CRACD: variants seen among roughly 807,000 people sequenced by gnomAD.
The protein encoded by CRACD is capping protein-inhibiting regulator of actin dynamics.
Under a neutral mutation model 106.8 loss-of-function variants are expected in CRACD, and 56 were observed. The observed-to-expected ratio is 0.52, with a 90% CI of 0.42 to 0.66. The LOEUF is 0.66. CRACD is among the 30% of genes least tolerant of loss of function. The pLI, the probability that CRACD is intolerant of heterozygous loss-of-function variation, is 0.00. For synonymous variants in CRACD, 754 were observed against 670.8 expected (o/e 1.12, Z -1.92); for missense variants, 1,730 against 1,623.2 (o/e 1.07, Z -1.13).
chr4:56,324,191 C>G lies in CRACD; in HGVS notation c.3466C>G (p.Pro1156Ala). The change falls in exon 10 of 11, where the codon CCC (proline) becomes GCC (alanine). Residue 1156 changes from proline to alanine, a missense_variant. This residue lies in a region of CRACD where 89 missense variants were observed against 89.6 expected (regional missense o/e 0.99). Coordinates refer to ENST00000682029, the MANE Select transcript of CRACD (RefSeq NM_001393381.1). ...CACTGCTCTGCCAGAAGAGAAGAGG[C>G]CCGAGACTGCAGTGTCCAGGCTTGA... is the stretch of plus-strand genomic sequence containing the variant. ...KSTALPEEKR[P>A]ETAVSRLERR... The G allele has an allele frequency of 6.2e-7, 1 of 1,614,154 alleles. No homozygotes were observed. The highest frequency in any genetic ancestry group is 8.5e-7 in the Non-Finnish European group (1 of 1,179,982).
chr4:56,182,643 A>C (rs1285840183), intron 2 of CRACD, among the ~76,000 whole-genome samples: 1 of 152,102 alleles, frequency 6.6e-6, no homozygotes, highest in African/African-American at 2.4e-5. Flanking sequence ...GTCCCTGTCC[A>C]AATTGCTTAA....
At chr4:56,092,856 T>G (rs537571120) in intron 1 of CRACD, among the ~76,000 whole-genome samples, 1 of 152,296 alleles carries the variant, frequency 6.6e-6, no homozygotes, top group African/African-American at 2.4e-5. Context: ...TCCTCCTGCC[T>G]TACAGCAGGA....
In CRACD at chr4:56,314,816, C is replaced by G. The variant is rs746837841; in HGVS notation, c.1314C>G (p.Pro438=). 86 of 1,609,116 alleles carry G rather than the reference C, an allele frequency of 5.3e-5. No homozygotes were observed. The Middle Eastern group carries it at 8.3e-4, about 16-fold the overall frequency. The part of the protein sequence containing the change: ...ERLEDQERLK[P]EGQREHSEEP... ...TCGAAGACCAGGAACGCCTGAAACC[C>G]GAAGGACAAAGAGAACACTCCGAGG... The change falls in exon 8 of 11, where the codon CCC becomes CCG. Residue 438 remains proline, a synonymous_variant. Coordinates refer to ENST00000682029, the MANE Select transcript of CRACD (RefSeq NM_001393381.1). The surrounding 1 kb of genome is among the most constrained non-coding windows in gnomAD (Gnocchi z 4.4).
chr4:56,310,799 T>A lies in CRACD; in HGVS notation c.354+65T>A, dbSNP rs5858374. 3.6e-3 allele frequency: 2,024 copies of A among 561,316 alleles called. 11 individuals are homozygous for A. The highest frequency in any genetic ancestry group is 4.8e-3 in the Non-Finnish European group (1,693 of 353,248). 34.8% of individuals were successfully genotyped at this position (561,316 alleles called of 1,614,324 possible). A position where few individuals can be genotyped will look rare whatever the true frequency, so the allele number is the denominator to read the frequency against. ...ACTTAACTTTCATCTTCCCCCCCCCTTTTTTTTTTTTGCGACCTGCTGCCT... is the reference window on the plus strand; with the variant it reads ...ACTTAACTTTCATCTTCCCCCCCCCATTTTTTTTTTTGCGACCTGCTGCCT... On this transcript the variant is annotated intron_variant, in intron 6 of 10. Coordinates refer to ENST00000682029, the MANE Select transcript of CRACD (RefSeq NM_001393381.1).
chr4:56,199,927 G>A (rs1275462815), intron 2 of CRACD, among the ~76,000 whole-genome samples: 2 of 151,648 alleles, frequency 1.3e-5, no homozygotes, highest in African/African-American at 2.4e-5. Flanking sequence ...TAGACTAGAC[G>A]ATAACATAGA....
intron 1 of CRACD, among the ~76,000 whole-genome samples, chr4:56,174,179 ATAGT>A: frequency 6.6e-6 from 1 of 152,314 alleles, no homozygotes; most frequent in East Asian, 1.9e-4. Flanking sequence ...TGGATACATA[ATAGT>A]TGTACATATT....
At chr4:56,307,976 C>T (rs1160520873) in intron 5 of CRACD, among the ~76,000 whole-genome samples, 1 of 152,188 alleles carries the variant, frequency 6.6e-6, no homozygotes, top group Non-Finnish European at 1.5e-5. Flanking sequence ...CCGTACCTGG[C>T]CTCACCCCAA....
Position 56,329,068 on chromosome 4 carries a change from T to A in CRACD, c.*1264T>A, listed in dbSNP as rs1746643458. On this transcript the variant is annotated 3_prime_UTR_variant, in exon 11 of 11. Coordinates refer to ENST00000682029, the MANE Select transcript of CRACD (RefSeq NM_001393381.1). The stretch of plus-strand genomic sequence containing the variant: ...TTCACCTTGCTACCTTTAAAAAACA[T>A]CTGAGTTTTAAGTGGCCTTTTTATC... Among the ~76,000 whole-genome samples, 1 of 152,236 alleles carries A rather than the reference T, an allele frequency of 6.6e-6. No individual in the cohort carries two copies. Among genetic ancestry groups the A allele is most frequent in the Admixed American group, 6.5e-5 (1 of 15,282 alleles).
intron 1 of CRACD, among the ~76,000 whole-genome samples, chr4:56,117,925 A>G (rs1734347036): frequency 1.3e-5 from 2 of 151,612 alleles, no homozygotes; most frequent in South Asian, 4.2e-4. Flanking sequence ...TGCCCAGCTA[A>G]TGTTTGTATT....
chr4:56,062,363 A>G (rs1325833318), intron 1 of CRACD, among the ~76,000 whole-genome samples: 1 of 152,124 alleles, frequency 6.6e-6, no homozygotes, highest in Non-Finnish European at 1.5e-5. Context: ...GAGGTCTTAG[A>G]GTTTGGTTTA....
At chr4:56,216,290 G>C (rs1226098031) in intron 2 of CRACD, 1 of 152,206 alleles carries the variant, frequency 6.6e-6, no homozygotes, top group Non-Finnish European at 1.5e-5. Flanking sequence ...AATGTGGAGT[G>C]GGTTTTTTGT....
intron 1 of CRACD, among the ~76,000 whole-genome samples, chr4:56,095,792 A>G (rs1381035014): frequency 6.6e-6 from 1 of 152,176 alleles, no homozygotes; most frequent in Non-Finnish European, 1.5e-5. Flanking sequence ...GTCTGTTGAG[A>G]GTGACAATGT....
At position 56,104,956 on chromosome 4, in the gene CRACD, G is replaced by T. The variant is rs1303189156; in HGVS notation, c.-336+55657G>T. 2.3e-5 allele frequency among the ~76,000 whole-genome samples: 3 copies of T among 132,828 alleles called. No homozygotes were observed. In the South Asian group the frequency reaches 7.1e-4, roughly 32 times the overall value. 87.1% of individuals were successfully genotyped at this position (132,828 alleles called of 152,430 possible). A position where few individuals can be genotyped will look rare whatever the true frequency, so the allele number is the denominator to read the frequency against. On this transcript the variant is annotated intron_variant, in intron 1 of 10. Transcript: ENST00000682029. ...TACTCCAGCCTGGGCGACAGAGCAA[G>T]ACTCCGTCTCAAAAAAAAAAAAAAA...
intron 1 of CRACD, among the ~76,000 whole-genome samples, chr4:56,109,366 AAC>A (rs1435906274): frequency 6.6e-5 from 10 of 152,088 alleles, no homozygotes; most frequent in African/African-American, 2.4e-4. Flanking sequence ...ATTATACTGA[AAC>A]AGTTTGTGCC....
rs373956608 is a variant in CRACD at position 56,077,562 on chromosome 4, G to A, written c.-336+28263G>A. Reference sequence around the variant, plus strand: ...TCCTAGTAACCTTTTATGGGAGACCGTTATGCAAACAAATTTCTTCCTTCT... The same window carrying A: ...TCCTAGTAACCTTTTATGGGAGACCATTATGCAAACAAATTTCTTCCTTCT... On this transcript the variant is annotated intron_variant, in intron 1 of 10. Transcript: ENST00000682029. Among the ~76,000 whole-genome samples the A allele has an allele frequency of 1.2e-3, 179 of 152,306 alleles. 3 individuals are homozygous for A. The South Asian group carries it at 0.033, about 28-fold the overall frequency.
chr4:56,133,650 C>T (rs907052843), intron 1 of CRACD, among the ~76,000 whole-genome samples: 1 of 152,052 alleles, frequency 6.6e-6, no homozygotes, highest in Non-Finnish European at 1.5e-5. Flanking sequence ...GAAAACAAAC[C>T]TTAAACATGA....
At chr4:56,122,138 A>G (rs545795866) in intron 1 of CRACD, among the ~76,000 whole-genome samples, 22 of 152,154 alleles carry the variant, frequency 1.4e-4, no homozygotes, top group Non-Finnish European at 2.8e-4. Context: ...CACTTCTGTG[A>G]ATATCCACTG....
rs115039865 is a variant in CRACD, at chr4:56,212,724, G to C, written c.-189+33294G>C. ...AGTACACACAAAAAAAGAAACAAAG[G>C]GGGGAGAACACAAAAATACCTGCAG... On this transcript the variant is annotated intron_variant, in intron 2 of 10. Coordinates refer to ENST00000682029, the MANE Select transcript of CRACD (RefSeq NM_001393381.1). Among the ~76,000 whole-genome samples the C allele has an allele frequency of 9.2e-3, 1,407 of 152,208 alleles. 28 individuals carry two copies. Among genetic ancestry groups the C allele is most frequent in the African/African-American group, 0.031 (1,290 of 41,516 alleles).
At chr4:56,301,784 G>A (rs1744384113) in intron 4 of CRACD, among the ~76,000 whole-genome samples, 1 of 151,910 alleles carries the variant, frequency 6.6e-6, no homozygotes, top group Non-Finnish European at 1.5e-5. Context: ...CCTTTCCTGA[G>A]TAATGTGAAT....
Sources: allele counts gnomAD v4.1 joint callset (sites outside exome capture counted in the v4.1 genomes callset), GRCh38; gene constraint gnomAD v4.1.1; regional missense constraint gnomAD v4.1.1; non-coding constraint Gnocchi (gnomAD v3.1); transcripts MANE v1.5; gene names NCBI Gene and HGNC (gene_info 2026-07-23, HGNC 2026-07-21).